PAK6: variants seen among roughly 807,000 people sequenced by gnomAD.
PAK6 encodes serine/threonine-protein kinase PAK 6.
PAK6 carries 33 observed loss-of-function variants against 60.8 expected under a neutral mutation model. The ratio of observed to expected loss-of-function variants is 0.54; its 90% confidence interval spans 0.41 to 0.73. The LOEUF is 0.73. PAK6 is among the 30% of genes least tolerant of loss of function. The pLI is 0.00. For missense variants in PAK6, 845 were observed against 904.1 expected, an observed-to-expected ratio of 0.93 and a Z score of 0.84; for synonymous variants, 404 against 378.5, an observed-to-expected ratio of 1.07 and a Z score of -0.78.
At chr15:40,248,638 G>T (rs541536932) in intron 2 of PAK6, among the ~76,000 whole-genome samples, 1 of 152,262 alleles carries the variant, frequency 6.6e-6, no homozygotes, top group Non-Finnish European at 1.5e-5. Flanking sequence ...GTGACAGAGT[G>T]GGGGAACCTG....
At position 40,266,409 on chromosome 15, in the gene PAK6, C is replaced by G. The variant is rs143324236; in HGVS notation, c.772C>G (p.Arg258Gly). 5.9e-4 allele frequency: 954 copies of G among 1,612,948 alleles called. 2 individuals carry two copies. The highest frequency in any genetic ancestry group is 7.3e-4 in the Non-Finnish European group (862 of 1,179,838). ...TAAGACCCGGGAGAGCAGCCTGAAG[C>G]GCAGGCTATTCCGAAGCATGTTCCT... The change falls in exon 5 of 11, where the codon CGC (arginine) becomes GGC (glycine). Residue 258 changes from arginine (R) to glycine (G), a missense_variant. Transcript: ENST00000560346.
chr15:40,274,504 AGTTGCTGCTTGGCAGAAGG>A (rs1175195497), intron 10 of PAK6, among the ~76,000 whole-genome samples: 6 of 152,286 alleles, frequency 3.9e-5, no homozygotes, highest in African/African-American at 1.2e-4. Flanking sequence ...GTGGCAGGAG[AGTTGCTGCTTGGCAGAAGG>A]GTTGCTGCTT....
At chr15:40,240,038 C>G (rs1029259125) in intron 1 of PAK6, 1 of 152,802 alleles carries the variant, frequency 6.5e-6, no homozygotes, top group Non-Finnish European at 1.5e-5. Context: ...AGCTGCCAGC[C>G]CCGGCAGGCC....
chr15:40,276,404 G>C (rs1282615682), exon 11 of PAK6: 1 of 316,150 alleles, frequency 3.2e-6, no homozygotes, highest in African/African-American at 2.1e-5. Context: ...CAGTAGAAAA[G>C]GCTGCTGTGG....
chr15:40,240,650 C>T (rs774869257), exon 2 of PAK6: 2 of 449,036 alleles, frequency 4.5e-6, no homozygotes, highest in Non-Finnish European at 8.9e-6. Flanking sequence ...GTGGAGAACG[C>T]AGGACCCCGC....
chr15:40,265,014 G>A, intron 4 of PAK6, 25 bp downstream of exon 4: 4 of 1,602,430 alleles, frequency 2.5e-6, no homozygotes, highest in Admixed American at 1.7e-5. Flanking sequence ...CAGGGATGAG[G>A]TTCAGCCTCT....
chr15:40,257,504 G>T (rs1429408160), intron 3 of PAK6, among the ~76,000 whole-genome samples: 2 of 152,264 alleles, frequency 1.3e-5, no homozygotes, highest in Non-Finnish European at 2.9e-5. Flanking sequence ...GAAAAGCGGG[G>T]TGACGGGTTA....
At chr15:40,273,707 C>T in intron 9 of PAK6, 31 bp downstream of exon 9, 1 of 1,605,142 alleles carries the variant, frequency 6.2e-7, no homozygotes, top group East Asian at 2.2e-5. Context: ...CCAGACCTCC[C>T]AAAAGCAACT....
At chr15:40,275,037 C>T (rs955273505) in intron 10 of PAK6, among the ~76,000 whole-genome samples, 3 of 152,194 alleles carry the variant, frequency 2.0e-5, no homozygotes, top group Admixed American at 1.3e-4. Context: ...TTGGAGCCCG[C>T]ACCGCTAACC....
intron 3 of PAK6, among the ~76,000 whole-genome samples, chr15:40,262,408 G>A (rs2140974255): frequency 6.6e-6 from 1 of 152,298 alleles, no homozygotes; most frequent in African/African-American, 2.4e-5. Context: ...GGAGGCTGAG[G>A]CAAGAGAATC....
At chr15:40,270,272 C>G (rs995475017) in intron 5 of PAK6, among the ~76,000 whole-genome samples, 4 of 152,200 alleles carry the variant, frequency 2.6e-5, no homozygotes, top group African/African-American at 7.2e-5. Context: ...CCTCCACCCC[C>G]CTCACAGCCC....
exon 5 of PAK6, chr15:40,266,101 A>G (rs1370204392): frequency 1.2e-6 from 2 of 1,609,230 alleles, no homozygotes; most frequent in Admixed American, 3.3e-5. Flanking sequence ...CCAGCAGGCC[A>G]CAAGCAGATG....
At chr15:40,265,150 G>T (rs1293843184) in intron 4 of PAK6, among the ~76,000 whole-genome samples, 161 bp downstream of exon 4, 1 of 152,214 alleles carries the variant, frequency 6.6e-6, no homozygotes, top group Non-Finnish European at 1.5e-5. Context: ...TTCTCTCCCT[G>T]GGTAAGCCAG....
intron 2 of PAK6, chr15:40,252,898 C>G (rs921931761): frequency 6.6e-6 from 8 of 1,208,500 alleles, no homozygotes; most frequent in Non-Finnish European, 7.3e-6. Context: ...TTCGCGTCCC[C>G]GAGAGGGCGC....
chr15:40,275,348 C>T (rs1169849541), intron 10 of PAK6, among the ~76,000 whole-genome samples: 10 of 117,296 alleles, frequency 8.5e-5, no homozygotes, highest in Admixed American at 3.6e-4. Flanking sequence ...TGCAGTGGTG[C>T]GATCTCAGCT....
chr15:40,251,438 A>G (rs1204546931), intron 2 of PAK6: 1 of 152,328 alleles, frequency 6.6e-6, no homozygotes, highest in African/African-American at 2.4e-5. Flanking sequence ...TGTGAAACCA[A>G]TACAGCCTAT....
At chr15:40,271,676 C>T (rs1314846720) in intron 5 of PAK6, among the ~76,000 whole-genome samples, 1 of 152,174 alleles carries the variant, frequency 6.6e-6, no homozygotes, top group Non-Finnish European at 1.5e-5. Flanking sequence ...GCTGCAGGCA[C>T]AGGCAGGGCT....
At chr15:40,273,835 C>T in intron 9 of PAK6, 159 bp downstream of exon 9, 4 of 905,960 alleles carry the variant, frequency 4.4e-6, no homozygotes, top group Non-Finnish European at 6.6e-6. Context: ...TGCTCTTACC[C>T]AGTGACTTTG....
At chr15:40,274,362 T>C in intron 10 of PAK6, 86 bp downstream of exon 10, 1 of 1,400,360 alleles carries the variant, frequency 7.1e-7, no homozygotes, top group African/African-American at 1.5e-5. Flanking sequence ...AGCATCTCCC[T>C]TCCACTGAAG....
Sources: allele counts gnomAD v4.1 joint callset (sites outside exome capture counted in the v4.1 genomes callset), GRCh38; gene constraint gnomAD v4.1.1; transcripts MANE v1.5; gene names NCBI Gene and HGNC (gene_info 2026-07-23, HGNC 2026-07-21).